Variants in RAD51B observed in about 807,000 individuals in gnomAD.
The protein encoded by RAD51B is DNA repair protein RAD51 homolog 2.
A neutral mutation model predicts 42.2 loss-of-function variants in RAD51B; 38 were observed. That is an observed-to-expected ratio of 0.90 (90% CI 0.70 to 1.18). The LOEUF (loss-of-function observed/expected upper bound fraction) is 1.18. Among genes scored for constraint, RAD51B ranks in the 50% most tolerant of loss-of-function variants. The pLI is 0.00. For missense variants in RAD51B, 373 were observed against 400.7 expected (o/e 0.93, Z 0.59); for synonymous variants, 154 against 145.2 (o/e 1.06, Z -0.43).
intron 7 of RAD51B, among the ~76,000 whole-genome samples, chr14:67,993,772 G>T (rs2075336477): frequency 6.6e-6 from 1 of 152,090 alleles, no homozygotes. Flanking sequence ...CCTCCAAACT[G>T]TTCTCCATAG....
intron 8 of RAD51B, among the ~76,000 whole-genome samples, chr14:68,332,894 A>G (rs1305525941): frequency 6.6e-6 from 1 of 152,184 alleles, no homozygotes; most frequent in African/African-American, 2.4e-5. Flanking sequence ...TTTCTCCTTC[A>G]TTCTGTGATT....
chr14:67,926,558 CT>C (rs534207569), intron 7 of RAD51B, among the ~76,000 whole-genome samples: 901 of 85,090 alleles, frequency 0.011, 5 homozygotes, highest in Middle Eastern at 0.037. Context: ...GATATGTTTC[CT>C]TTTTTTTTTT....
chr14:68,398,763 G>A (rs2084000310), intron 8 of RAD51B, among the ~76,000 whole-genome samples: 1 of 152,138 alleles, frequency 6.6e-6, no homozygotes, highest in African/African-American at 2.4e-5. Flanking sequence ...GAGATTAAAA[G>A]GACACAGAGC....
chr14:67,865,605 C>T (rs919910588), intron 5 of RAD51B, among the ~76,000 whole-genome samples: 1 of 132,054 alleles, frequency 7.6e-6, no homozygotes, highest in African/African-American at 2.9e-5. Flanking sequence ...GTGGCAGGAT[C>T]TCAGCTCACT....
intron 7 of RAD51B, among the ~76,000 whole-genome samples, chr14:68,281,536 T>A (rs1289308197): frequency 1.3e-5 from 2 of 152,164 alleles, no homozygotes; most frequent in East Asian, 3.8e-4. Context: ...GCCCAGGGGA[T>A]CTGACTCCAG....
At chr14:68,649,568 G>A (rs1460242298) in intron 10 of RAD51B, among the ~76,000 whole-genome samples, 2 of 152,186 alleles carry the variant, frequency 1.3e-5, no homozygotes, top group East Asian at 1.9e-4. Flanking sequence ...AGGTTCCCCT[G>A]AAATGATGTA....
At chr14:68,203,113 C>A (rs2079522883) in intron 7 of RAD51B, among the ~76,000 whole-genome samples, 1 of 152,122 alleles carries the variant, frequency 6.6e-6, no homozygotes, top group Non-Finnish European at 1.5e-5. Flanking sequence ...CTTAATGGCA[C>A]CTAGAATTGT....
intron 7 of RAD51B, among the ~76,000 whole-genome samples, chr14:68,047,533 T>C (rs923935150): frequency 1.3e-5 from 2 of 152,206 alleles, no homozygotes; most frequent in Non-Finnish European, 2.9e-5. Flanking sequence ...GTGTGTTTCT[T>C]TCTAATCTTT....
intron 10 of RAD51B, among the ~76,000 whole-genome samples, chr14:68,635,953 T>C (rs978060111): frequency 6.6e-6 from 1 of 152,160 alleles, no homozygotes; most frequent in Non-Finnish European, 1.5e-5. Context: ...GGAAAACACA[T>C]AGGACACAGC....
At chr14:68,595,002 C>G (rs920478027) in exon 11 of RAD51B, 17 of 1,077,166 alleles carry the variant, frequency 1.6e-5, no homozygotes, top group Non-Finnish European at 1.9e-5. Flanking sequence ...GAGGCTGAGA[C>G]AAACTAGGAT....
At chr14:68,010,000 A>T (rs1595251298) in intron 7 of RAD51B, among the ~76,000 whole-genome samples, 1 of 151,878 alleles carries the variant, frequency 6.6e-6, no homozygotes, top group African/African-American at 2.4e-5. Context: ...ACACTAATTC[A>T]GTTAACTGCC....
At chr14:68,680,180 CT>C (rs1305550648) in intron 11 of RAD51B, among the ~76,000 whole-genome samples, 1 of 152,204 alleles carries the variant, frequency 6.6e-6, no homozygotes, top group Non-Finnish European at 1.5e-5. Context: ...TTCTCTAGCA[CT>C]TCCATAAGTC....
chr14:68,369,225 C>T (rs2083202923), intron 8 of RAD51B, among the ~76,000 whole-genome samples: 1 of 152,220 alleles, frequency 6.6e-6, no homozygotes, highest in Admixed American at 6.5e-5. Context: ...ATAAAAGTTA[C>T]TTACGGCAAA....
rs190413594 is a variant in RAD51B, at chr14:68,585,747, T to C, written c.1037-8738T>C. Among the ~76,000 whole-genome samples the C allele has an allele frequency of 3.7e-3, 559 of 151,112 alleles. 1 individual carries two copies. Among genetic ancestry groups the C allele is most frequent in the Non-Finnish European group, 5.0e-3 (339 of 67,772 alleles). On this transcript the variant is annotated intron_variant, in intron 10 of 10. Transcript: ENST00000487270. Reference sequence around the variant, plus strand: ...CAGAATAATGAGCCACGTTGGAGAGTGTCACTCCAGCAGCTCCGGAAAGAC... The same window carrying C: ...CAGAATAATGAGCCACGTTGGAGAGCGTCACTCCAGCAGCTCCGGAAAGAC...
At chr14:68,377,990 A>G (rs1298362369) in intron 8 of RAD51B, among the ~76,000 whole-genome samples, 1 of 152,182 alleles carries the variant, frequency 6.6e-6, no homozygotes, top group Non-Finnish European at 1.5e-5. Flanking sequence ...TAAGTTTGTT[A>G]AGCTGGTCAT....
intron 7 of RAD51B, among the ~76,000 whole-genome samples, chr14:68,087,908 T>TTTATTA (rs1566634310): frequency 4.8e-5 from 6 of 125,602 alleles, no homozygotes; most frequent in African/African-American, 6.3e-5. Flanking sequence ...ATTTATATAA[T>TTTATTA]TATATAATAT....
chr14:67,929,850 A>AT (rs1324598906), intron 7 of RAD51B, among the ~76,000 whole-genome samples: 2 of 149,402 alleles, frequency 1.3e-5, no homozygotes, highest in African/African-American at 4.9e-5. Context: ...GGGTCTCAAT[A>AT]TGTTTTCTAG....
intron 7 of RAD51B, among the ~76,000 whole-genome samples, chr14:68,206,669 ACC>A (rs2079593439): frequency 2.0e-5 from 3 of 146,838 alleles, no homozygotes; most frequent in Non-Finnish European, 3.0e-5. Context: ...TCATATCTCC[ACC>A]GTCTATTTTT....
intron 8 of RAD51B, among the ~76,000 whole-genome samples, chr14:68,353,215 G>A (rs1375836364): frequency 6.6e-6 from 1 of 152,180 alleles, no homozygotes; most frequent in East Asian, 1.9e-4. Flanking sequence ...TGGCACAACT[G>A]CCAATAGTAC....
Sources: gnomAD v4.1 joint callset for allele counts (sites outside exome capture counted in the v4.1 genomes callset) on GRCh38, gnomAD v4.1.1 for gene constraint, MANE v1.5 for transcripts, NCBI Gene and HGNC (gene_info 2026-07-23, HGNC 2026-07-21) for gene names.